Variants in SCD5 observed in about 807,000 individuals in gnomAD.
The protein encoded by SCD5 is stearoyl-CoA desaturase 5.
Under a neutral mutation model 30.4 loss-of-function variants are expected in SCD5, and 20 were observed. The ratio of observed to expected loss-of-function variants is 0.66; its 90% CI spans 0.46 to 0.96. The LOEUF is 0.96. Among genes scored for constraint, SCD5 ranks in the 40% least tolerant of loss-of-function variants. The pLI is 0.00. For missense variants in SCD5, 381 were observed against 443.3 expected (o/e 0.86, Z 1.26); for synonymous variants, 173 against 176.4 (o/e 0.98, Z 0.16).
In SCD5 at chr4:82,631,214, G is replaced by C. The variant is rs542423158; in HGVS notation, c.*113C>G. 1.3e-6 allele frequency: 1 copy of C among 782,058 alleles called. No homozygotes were observed. The highest frequency in any genetic ancestry group is 1.9e-6 in the Non-Finnish European group (1 of 521,574). The allele number at this position is 782,058 out of a possible 1,614,324, so 48.4% of individuals were successfully genotyped here. A position where few individuals can be genotyped will look rare whatever the true frequency, so the allele number is the denominator to read the frequency against. On this transcript the variant is annotated 3_prime_UTR_variant, in exon 5 of 5. Transcript: ENST00000319540. Reference sequence around the variant, plus strand: ...AAACATTCCCAAACCACATTGACTCGTTCCTTCCCCACCCTCTGCCCCCTC... The same window carrying C: ...AAACATTCCCAAACCACATTGACTCCTTCCTTCCCCACCCTCTGCCCCCTC...
Position 82,636,705 on chromosome 4 carries a change from T to C in SCD5, c.688A>G (p.Ile230Val). The C allele has an allele frequency of 1.2e-6, 2 of 1,614,156 alleles. No homozygotes were observed. The highest frequency in any genetic ancestry group is 4.5e-5 in the East Asian group (2 of 44,878). The stretch of plus-strand genomic sequence containing the variant: ...ACCAGCCAGCTGATGTTGAGTGAGA[T>C]GGTATAGCGGAGAATAGAGGCCAAG... ...YFLASILRYTISLNISWLVNS... is the reference protein window; with the variant it reads ...YFLASILRYTVSLNISWLVNS... The change falls in exon 4 of 5, where the codon ATC becomes GTC. Residue 230 changes from isoleucine to valine, a missense_variant. Ile to Val is a conservative substitution (Grantham distance 29, BLOSUM62 3). Transcript: ENST00000319540.
At chr4:82,796,248 C>T (rs1332876375) in intron 1 of SCD5, among the ~76,000 whole-genome samples, 12 of 146,470 alleles carry the variant, frequency 8.2e-5, no homozygotes, top group South Asian at 4.3e-4. Flanking sequence ...CCAGCCTGGG[C>T]GACAGAGCGA....
chr4:82,747,011 A>G (rs769417438), intron 1 of SCD5, among the ~76,000 whole-genome samples: 1 of 149,890 alleles, frequency 6.7e-6, no homozygotes, highest in African/African-American at 2.5e-5. Context: ...CAGTGGAATG[A>G]CACAGGCACC....
chr4:82,703,654 CA>C (rs763536475), intron 2 of SCD5, among the ~76,000 whole-genome samples: 1 of 151,858 alleles, frequency 6.6e-6, no homozygotes, highest in Admixed American at 6.6e-5. Flanking sequence ...CTTAGGTTTT[CA>C]AATTTTGAGT....
intron 2 of SCD5, among the ~76,000 whole-genome samples, chr4:82,683,620 T>C (rs1578019861): frequency 6.6e-6 from 1 of 152,256 alleles, no homozygotes. Flanking sequence ...ATTGGCTTGA[T>C]ATGGTTTGGC....
intron 3 of SCD5, among the ~76,000 whole-genome samples, chr4:82,678,399 A>C (rs1728481287): frequency 6.6e-6 from 1 of 152,210 alleles, no homozygotes; most frequent in Admixed American, 6.5e-5. Context: ...GATGAAAAAA[A>C]ATCTTCCATT....
At chr4:82,751,552 T>A (rs1721102593) in intron 1 of SCD5, among the ~76,000 whole-genome samples, 1 of 152,218 alleles carries the variant, frequency 6.6e-6, no homozygotes, top group Non-Finnish European at 1.5e-5. Flanking sequence ...TATGCTGTTT[T>A]AAAGTTATAA....
intron 1 of SCD5, among the ~76,000 whole-genome samples, chr4:82,783,588 T>C (rs1721924290): frequency 6.6e-6 from 1 of 152,122 alleles, no homozygotes; most frequent in African/African-American, 2.4e-5. Flanking sequence ...GCGGATCACC[T>C]GAGGTCGGAG....
At chr4:82,662,081 C>A (rs1045547730) in intron 3 of SCD5, among the ~76,000 whole-genome samples, 5 of 152,190 alleles carry the variant, frequency 3.3e-5, no homozygotes, top group African/African-American at 9.6e-5. Context: ...GAGACAGGGT[C>A]TCCCTGTGTC....
chr4:82,682,397 A>T (rs1728596513), intron 2 of SCD5, among the ~76,000 whole-genome samples: 1 of 151,812 alleles, frequency 6.6e-6, no homozygotes, highest in South Asian at 2.1e-4. Flanking sequence ...TTTTACACTA[A>T]TTTTTTTTTA....
intron 1 of SCD5, among the ~76,000 whole-genome samples, chr4:82,763,690 G>C (rs1288402010): frequency 6.6e-6 from 1 of 152,228 alleles, no homozygotes; most frequent in Non-Finnish European, 1.5e-5. Flanking sequence ...GCAGACATCT[G>C]CAAGCCAAGG....
At chr4:82,714,984 C>T (rs1033295410) in intron 1 of SCD5, among the ~76,000 whole-genome samples, 1 of 151,672 alleles carries the variant, frequency 6.6e-6, no homozygotes, top group Admixed American at 6.6e-5. Context: ...CACCTGTTAT[C>T]CCAGCACTTT....
intron 3 of SCD5, among the ~76,000 whole-genome samples, chr4:82,654,501 T>C (rs1330514391): frequency 6.6e-6 from 1 of 152,248 alleles, no homozygotes. Flanking sequence ...GCCTATGCTT[T>C]ACTTTAAATA....
At chr4:82,670,998 C>T (rs1728308134) in intron 3 of SCD5, among the ~76,000 whole-genome samples, 1 of 151,918 alleles carries the variant, frequency 6.6e-6, no homozygotes, top group Non-Finnish European at 1.5e-5. Context: ...AGAAACTGAC[C>T]CACTTTAAAT....
chr4:82,722,595 G>A (rs116810679), intron 1 of SCD5, among the ~76,000 whole-genome samples: 1 of 151,600 alleles, frequency 6.6e-6, no homozygotes, highest in African/African-American at 2.4e-5. Context: ...GAAACACTAG[G>A]TGTCTACTAA....
chr4:82,697,943 C>T (rs764907854), intron 2 of SCD5: 11 of 453,538 alleles, frequency 2.4e-5, no homozygotes, highest in Non-Finnish European at 4.9e-5. Context: ...CTCATGACTT[C>T]CAAATGTTCC....
At chr4:82,704,858 T>C (rs1240841018) in intron 2 of SCD5, among the ~76,000 whole-genome samples, 1 of 152,212 alleles carries the variant, frequency 6.6e-6, no homozygotes, top group Non-Finnish European at 1.5e-5. Context: ...GCAGGTTCTT[T>C]AACCTCACTG....
At chr4:82,648,530 C>T (rs902282271) in intron 3 of SCD5, among the ~76,000 whole-genome samples, 1 of 14,068 alleles carries the variant, frequency 7.1e-5, no homozygotes, top group African/African-American at 1.1e-3. Context: ...ACAGTGGATG[C>T]TCTGTGTTGG....
chr4:82,734,139 G>C (rs939899898), intron 1 of SCD5, among the ~76,000 whole-genome samples: 1 of 152,200 alleles, frequency 6.6e-6, no homozygotes, highest in Admixed American at 6.5e-5. Flanking sequence ...CAAGCTTATG[G>C]GGCAAGAAGG....
Sources: gnomAD v4.1 joint callset for allele counts (sites outside exome capture counted in the v4.1 genomes callset) on GRCh38, gnomAD v4.1.1 for gene constraint, MANE v1.5 for transcripts, NCBI Gene and HGNC (gene_info 2026-07-23, HGNC 2026-07-21) for gene names.